Variants in PCDHGA8 observed in about 807,000 individuals in gnomAD.
PCDHGA8 encodes the protein protocadherin gamma subfamily A, 8.
PCDHGA8 carries 45 observed loss-of-function variants against 59.2 expected under a neutral mutation model. That is an observed-to-expected ratio of 0.76 (90% CI 0.60 to 0.98). The LOEUF (loss-of-function observed/expected upper bound fraction) is 0.98. Among genes scored for constraint, PCDHGA8 ranks in the 50% least tolerant of loss-of-function variants. PCDHGA8 has a pLI of 0.00. For missense variants in PCDHGA8, 1,257 were observed against 1,196.2 expected (o/e 1.05, Z -0.75); for synonymous variants, 531 against 519.0 (o/e 1.02, Z -0.32).
chr5:141,426,754 T>C, intron 1 of PCDHGA8: 1 of 456,314 alleles, frequency 2.2e-6, no homozygotes, highest in Non-Finnish European at 4.4e-6. Context: ...GAATCTGCTA[T>C]AGATGCAGAT....
rs188117490 is a variant in PCDHGA8 at position 141,507,256 on chromosome 5, C to G, written c.2572+1775C>G. 3 of 152,178 alleles carry G rather than the reference C, an allele frequency of 2.0e-5. No individual in the cohort carries two copies. In the East Asian group the frequency reaches 5.8e-4, roughly 29 times the overall value. The allele number at this position is 152,178 out of a possible 1,614,324, so 9.4% of individuals were successfully genotyped here. ...CAGTTACAGTTGAATGTCAGATAAA[C>G]AGCAAGTACTATTTCAGCATAAGTC... On this transcript the variant is annotated intron_variant, in intron 3 of 3. Coordinates refer to ENST00000398604, the MANE Select transcript of PCDHGA8 (RefSeq NM_032088.2).
chr5:141,495,853 C>T (rs1254274145), intron 2 of PCDHGA8, among the ~76,000 whole-genome samples: 1 of 152,136 alleles, frequency 6.6e-6, no homozygotes, highest in African/African-American at 2.4e-5. Context: ...TTCTCTGTCT[C>T]TCACTATTTC....
intron 1 of PCDHGA8, chr5:141,419,186 A>G: frequency 1.2e-6 from 2 of 1,613,940 alleles, no homozygotes; most frequent in Non-Finnish European, 1.7e-6. Context: ...CCTGCACATT[A>G]CTGACGTCAA....
chr5:141,491,414 G>T lies in PCDHGA8; in HGVS notation c.2425-3393G>T, dbSNP rs137987971. ...CTTCAGGGAAACGCAGACGGGGACGGGGGTGGAGGGCAGTGCTGCAGGCGC... is the reference window on the plus strand; with the variant it reads ...CTTCAGGGAAACGCAGACGGGGACGTGGGTGGAGGGCAGTGCTGCAGGCGC... On this transcript the variant is annotated intron_variant, in intron 1 of 3. Coordinates refer to ENST00000398604, the MANE Select transcript of PCDHGA8 (RefSeq NM_032088.2). The surrounding 1 kb of genome is among the most constrained non-coding windows in gnomAD (Gnocchi z 6.9). 1.9e-6 allele frequency: 3 copies of T among 1,614,008 alleles called. No homozygotes were observed. Among genetic ancestry groups the T allele is most frequent in the Non-Finnish European group, 2.5e-6 (3 of 1,180,030 alleles).
rs2099085120 is a variant in PCDHGA8, at chr5:141,464,455, T to C, written c.2425-30352T>C. Among the ~76,000 whole-genome samples, 2 of 151,794 alleles carry C rather than the reference T, an allele frequency of 1.3e-5. 1 individual carries two copies. Among genetic ancestry groups the C allele is most frequent in the Non-Finnish European group, 2.9e-5 (2 of 67,958 alleles). On this transcript the variant is annotated intron_variant, in intron 1 of 3. Coordinates refer to ENST00000398604, the MANE Select transcript of PCDHGA8 (RefSeq NM_032088.2). ...TATATGTTTGTTGTTGTTGTTGTTA[T>C]TTTTGAAGTATGTACGTATAATAAA...
intron 1 of PCDHGA8, chr5:141,409,175 G>T: frequency 6.2e-7 from 1 of 1,614,008 alleles, no homozygotes; most frequent in Non-Finnish European, 8.5e-7. Flanking sequence ...GAAGGACGGA[G>T]GTGGTCTCTC....
At chr5:141,420,086 TAC>T (rs1396904191) in intron 1 of PCDHGA8, 2 of 1,614,002 alleles carry the variant, frequency 1.2e-6, no homozygotes, top group Non-Finnish European at 1.7e-6. Context: ...TCCCCCCAAC[TAC>T]AGTGAGGGAA....
At chr5:141,501,333 A>ACC (rs1554187333) in intron 2 of PCDHGA8, among the ~76,000 whole-genome samples, 192 of 140,118 alleles carry the variant, frequency 1.4e-3, no homozygotes, top group Admixed American at 5.6e-3. Flanking sequence ...ACACACACAC[A>ACC]CCCCAAACTC....
At chr5:141,437,761 C>G (rs1200327020) in intron 1 of PCDHGA8, among the ~76,000 whole-genome samples, 3 of 144,682 alleles carry the variant, frequency 2.1e-5, no homozygotes, top group Admixed American at 7.0e-5. Flanking sequence ...TTTTTTGAGA[C>G]AGAGTCTCAA....
intron 1 of PCDHGA8, chr5:141,403,288 CAG>C: frequency 6.2e-7 from 1 of 1,613,878 alleles, no homozygotes; most frequent in Admixed American, 1.7e-5. Context: ...TGGTTGAAGA[CAG>C]AGTGAAACTG....
intron 1 of PCDHGA8, among the ~76,000 whole-genome samples, chr5:141,437,093 C>T (rs1382920904): frequency 2.6e-5 from 4 of 152,136 alleles, no homozygotes; most frequent in East Asian, 1.9e-4. Flanking sequence ...TTGAAACTAA[C>T]GGCTTAGCTT....
Position 141,410,521 on chromosome 5 carries a change from A to G in PCDHGA8, c.2424+15284A>G, listed in dbSNP as rs201505796. ...ATTTCCTAAAATGCAGTGTGCCCCT[A>G]CATTCCAATGAAGACATGGTTTGCA... is the stretch of plus-strand genomic sequence containing the variant. On this transcript the variant is annotated intron_variant, in intron 1 of 3. Coordinates refer to ENST00000398604, the MANE Select transcript of PCDHGA8 (RefSeq NM_032088.2). 1,940 of 1,613,966 alleles carry G rather than the reference A, an allele frequency of 1.2e-3. 3 individuals are homozygous for G. Among genetic ancestry groups the G allele is most frequent in the Non-Finnish European group, 1.5e-3 (1,760 of 1,179,896 alleles).
rs766083208 is a variant in PCDHGA8, at chr5:141,477,506, G to A, written c.2425-17301G>A. 1.9e-6 allele frequency: 3 copies of A among 1,614,028 alleles called. No homozygotes were observed. Among genetic ancestry groups the A allele is most frequent in the South Asian group, 2.2e-5 (2 of 91,076 alleles). ...ACAATCTTCTCAATCTTCCTACGAC[G>A]TTTACATTGAAGAAAACAACCTCCC... On this transcript the variant is annotated intron_variant, in intron 1 of 3. Transcript: ENST00000398604. This position sits in a 1 kb window ranked among gnomAD's most constrained non-coding sequence, Gnocchi z 4.9.
In PCDHGA8 at chr5:141,410,321, G is replaced by A. The variant is rs749017304; in HGVS notation, c.2424+15084G>A. ...AATCTCAGTGCTCTTCCTCCTCGCC[G>A]TGATTCTGGCCATTGCCTTGCGCCT... On this transcript the variant is annotated intron_variant, in intron 1 of 3. Transcript: ENST00000398604. The A allele has an allele frequency of 3.7e-6, 6 of 1,613,842 alleles. No homozygotes were observed. The East Asian group carries it at 1.1e-4, about 30-fold the overall frequency.
At chr5:141,409,424 G>A in intron 1 of PCDHGA8, 1 of 1,613,998 alleles carries the variant, frequency 6.2e-7, no homozygotes, top group Non-Finnish European at 8.5e-7. Context: ...GGTGACAGAT[G>A]GAGCCCTGGA....
intron 2 of PCDHGA8, among the ~76,000 whole-genome samples, chr5:141,501,526 G>A (rs2099809738): frequency 6.6e-6 from 1 of 151,962 alleles, no homozygotes; most frequent in Non-Finnish European, 1.5e-5. Context: ...CTGAAGCCCA[G>A]TACGTTGTTG....
In PCDHGA8 at chr5:141,395,197, T is replaced by A; in HGVS notation, c.2384T>A (p.Val795Glu). 6.2e-7 allele frequency: 1 copy of A among 1,614,012 alleles called. No homozygotes were observed. The highest frequency in any genetic ancestry group is 8.5e-7 in the Non-Finnish European group (1 of 1,179,908). Residue 795 changes from valine to glutamate, a missense_variant, in exon 1 of 4, where the codon GTA becomes GAA. Coordinates refer to ENST00000398604, the MANE Select transcript of PCDHGA8 (RefSeq NM_032088.2). ...AAAAATGATTCTTTGTTAACATCCG[T>A]AGATTTTCATGAATATAAGAATGAA... ...CEKNDSLLTSVDFHEYKNEAD... is the reference protein window; with the variant it reads ...CEKNDSLLTSEDFHEYKNEAD...
chr5:141,395,463 C>A, intron 1 of PCDHGA8: 1 of 582,522 alleles, frequency 1.7e-6, no homozygotes, highest in Non-Finnish European at 2.9e-6. Flanking sequence ...CCATTTTAAG[C>A]CTTCCAGTAT....
At chr5:141,422,187 T>A in intron 1 of PCDHGA8, 1 of 1,561,762 alleles carries the variant, frequency 6.4e-7, no homozygotes, top group South Asian at 1.2e-5. Context: ...AGATGGAAAT[T>A]CAAGGCCAAG....
Sources: gnomAD v4.1 joint callset for allele counts (sites outside exome capture counted in the v4.1 genomes callset) on GRCh38, gnomAD v4.1.1 for gene constraint, Gnocchi (gnomAD v3.1) non-coding constraint, MANE v1.5 for transcripts, NCBI Gene and HGNC (gene_info 2026-07-23, HGNC 2026-07-21) for gene names.